The following MAP2K5 variants were observed in gnomAD, a reference collection of about 807,000 sequenced individuals.
The protein encoded by MAP2K5 is mitogen-activated protein kinase kinase 5, also known as dual specificity mitogen-activated protein kinase kinase 5.
MAP2K5 carries 49 observed loss-of-function variants against 83.1 expected under a neutral mutation model. That is an observed-to-expected ratio of 0.59 (90% CI 0.47 to 0.75). MAP2K5 has a LOEUF of 0.75. Ranked by LOEUF, MAP2K5 falls within the 30% of genes least tolerant of loss-of-function variation. The pLI, the probability that MAP2K5 is intolerant of heterozygous loss-of-function variation, is 0.00. For missense variants in MAP2K5, 457 were observed against 557.5 expected, an observed-to-expected ratio of 0.82 and a Z score of 1.82; for synonymous variants, 202 against 191.8, an observed-to-expected ratio of 1.05 and a Z score of -0.44.
At chr15:67,631,828 C>A (rs1026099885) in intron 9 of MAP2K5, among the ~76,000 whole-genome samples, 1 of 152,186 alleles carries the variant, frequency 6.6e-6, no homozygotes, top group African/African-American at 2.4e-5. Context: ...TCTGACTGAA[C>A]CCTTTGCTAA....
At chr15:67,664,751 C>A in intron 13 of MAP2K5, 106 bp downstream of exon 13, 2 of 654,036 alleles carry the variant, frequency 3.1e-6, no homozygotes, top group South Asian at 2.2e-5. Flanking sequence ...CCAGCTGATA[C>A]ATCTGGTACT....
chr15:67,658,623 A>G lies in MAP2K5; in HGVS notation c.798+9A>G. 6.2e-7 allele frequency: 1 copy of G among 1,606,478 alleles called. No homozygotes were observed. The highest frequency in any genetic ancestry group is 8.5e-7 in the Non-Finnish European group (1 of 1,174,192). On this transcript the variant is annotated intron_variant, in intron 12 of 21. Coordinates refer to ENST00000178640, the MANE Select transcript of MAP2K5 (RefSeq NM_145160.3). The stretch of plus-strand genomic sequence containing the variant: ...GAAGAATTGCAGTAGCAGTAAGTAT[A>G]TGGCTTCAGTGTTAGGAAATTTGAG...
intron 11 of MAP2K5, among the ~76,000 whole-genome samples, chr15:67,656,540 G>A (rs898495264): frequency 4.3e-4 from 65 of 152,060 alleles, no homozygotes; most frequent in African/African-American, 1.4e-3. Flanking sequence ...TGTCTCCTAG[G>A]CTGGTCTCAA....
intron 12 of MAP2K5, among the ~76,000 whole-genome samples, 189 bp from the exon 13 acceptor site, chr15:67,664,408 G>A (rs1567345143): frequency 6.6e-6 from 1 of 151,274 alleles, no homozygotes; most frequent in East Asian, 1.9e-4. Context: ...AGCTGAGGTG[G>A]AAGGATTGCT....
rs1264508733 is a variant in MAP2K5, at chr15:67,738,305, C to T, written c.1075-9926C>T. Among the ~76,000 whole-genome samples the T allele has an allele frequency of 6.6e-6, 1 of 152,206 alleles. No homozygotes were observed. Among genetic ancestry groups the T allele is most frequent in the Non-Finnish European group, 1.5e-5 (1 of 68,040 alleles). On this transcript the variant is annotated intron_variant, in intron 17 of 21. Transcript: ENST00000178640. The surrounding 1 kb of genome is among the most constrained non-coding windows in gnomAD (Gnocchi z 4.1). Reference sequence around the variant, plus strand: ...CATAAGGCATGAGGCGACCTGGACTCCAGGCCTAGTTGGTAAAATCCTTTA... The same window carrying T: ...CATAAGGCATGAGGCGACCTGGACTTCAGGCCTAGTTGGTAAAATCCTTTA...
chr15:67,717,795 G>A lies in MAP2K5; in HGVS notation c.1045-10121G>A, dbSNP rs2088862719. On this transcript the variant is annotated intron_variant, in intron 16 of 21. Coordinates refer to ENST00000178640, the MANE Select transcript of MAP2K5 (RefSeq NM_145160.3). This position sits in a 1 kb window ranked among gnomAD's most constrained non-coding sequence, Gnocchi z 4.1. ...CCCTCCTCTCCCATCTCCCCTTCATGGCTAGCTTAGACTTCCTTTGTGGTG... is the reference window on the plus strand; with the variant it reads ...CCCTCCTCTCCCATCTCCCCTTCATAGCTAGCTTAGACTTCCTTTGTGGTG... Among the ~76,000 whole-genome samples the A allele has an allele frequency of 6.6e-6, 1 of 152,158 alleles. No homozygotes were observed. Among genetic ancestry groups the A allele is most frequent in the African/African-American group, 2.4e-5 (1 of 41,420 alleles).
chr15:67,721,595 G>C (rs2088961157), intron 16 of MAP2K5, among the ~76,000 whole-genome samples: 2 of 152,302 alleles, frequency 1.3e-5, no homozygotes, highest in African/African-American at 4.8e-5. Flanking sequence ...GTAGAGCCCA[G>C]TGTTCCTAGG....
intron 11 of MAP2K5, among the ~76,000 whole-genome samples, chr15:67,656,726 AC>A (rs893620590): frequency 6.6e-6 from 1 of 151,996 alleles, no homozygotes; most frequent in Non-Finnish European, 1.5e-5. Flanking sequence ...CATTCACATC[AC>A]TGGGACTGTT....
chr15:67,756,677 A>C (rs1338633755), intron 19 of MAP2K5, among the ~76,000 whole-genome samples: 1 of 151,990 alleles, frequency 6.6e-6, no homozygotes, highest in Non-Finnish European at 1.5e-5. Context: ...CCCTTTGACG[A>C]ACACCTCCTC....
chr15:67,642,844 A>T (rs1400896162), intron 9 of MAP2K5, among the ~76,000 whole-genome samples: 3 of 152,232 alleles, frequency 2.0e-5, no homozygotes, highest in African/African-American at 7.2e-5. Context: ...ATTCACAGCC[A>T]GTAGTTTGGG....
chr15:67,570,722 G>A (rs1177168168), intron 3 of MAP2K5, among the ~76,000 whole-genome samples: 2 of 152,166 alleles, frequency 1.3e-5, no homozygotes, highest in East Asian at 1.9e-4. Flanking sequence ...AGATTGTTGA[G>A]TTCTTCACTG....
At chr15:67,544,671 G>A (rs3784688) in intron 1 of MAP2K5, among the ~76,000 whole-genome samples, 17,758 of 152,184 alleles carry the variant, frequency 0.12, 1,214 homozygotes, top group East Asian at 0.2. Context: ...AGACAGAAGC[G>A]GACATTCCGA....
intron 8 of MAP2K5, among the ~76,000 whole-genome samples, chr15:67,601,121 A>G (rs144911138): frequency 1.3e-5 from 2 of 152,250 alleles, no homozygotes; most frequent in East Asian, 3.9e-4. Context: ...TGCCCAGTGG[A>G]AGCCAGACCT....
At chr15:67,693,704 T>C (rs562618373) in intron 15 of MAP2K5, 136 bp downstream of exon 15, 2 of 638,268 alleles carry the variant, frequency 3.1e-6, no homozygotes, top group Admixed American at 3.1e-5. Context: ...CTAGTCATGA[T>C]CTGATTTTTA....
Sources: gnomAD v4.1 joint callset for allele counts (sites outside exome capture counted in the v4.1 genomes callset) on GRCh38, gnomAD v4.1.1 for gene constraint, Gnocchi (gnomAD v3.1) non-coding constraint, MANE v1.5 for transcripts, NCBI Gene and HGNC (gene_info 2026-07-23, HGNC 2026-07-21) for gene names.